The following EFTUD2 variants were observed in gnomAD, a reference collection of about 807,000 sequenced individuals.
EFTUD2 encodes the protein elongation factor Tu GTP binding domain containing 2, also known as 116 kDa U5 small nuclear ribonucleoprotein component.
EFTUD2 carries 9 observed loss-of-function variants against 114.3 expected under a neutral mutation model. The observed-to-expected ratio is 0.08, with a 90% CI of 0.05 to 0.14. The LOEUF (loss-of-function observed/expected upper bound fraction) is 0.14, where lower values mean the gene tolerates loss of function less well. Among genes scored for constraint, EFTUD2 ranks in the 10% least tolerant of loss-of-function variants. The pLI is 1.00. For missense variants in EFTUD2, 765 were observed against 1,241.2 expected (o/e 0.62, Z 5.76); for synonymous variants, 449 against 462.3 (o/e 0.97, Z 0.37).
intron 2 of EFTUD2, among the ~76,000 whole-genome samples, chr17:44,893,767 T>TGGG (rs775875878): frequency 4.1e-4 from 35 of 85,466 alleles, no homozygotes; most frequent in African/African-American, 1.6e-3. Context: ...TAAAAAAAGG[T>TGGG]GGGGGGGGGG....
chr17:44,871,729 A>G (rs1326073428), intron 11 of EFTUD2, among the ~76,000 whole-genome samples: 1 of 152,208 alleles, frequency 6.6e-6, no homozygotes, highest in East Asian at 1.9e-4. Flanking sequence ...ACTGGCAAGA[A>G]TAGAAACGCT....
At chr17:44,853,449 C>G in intron 24 of EFTUD2, 59 bp from the exon 25 acceptor site, 1 of 1,611,680 alleles carries the variant, frequency 6.2e-7, no homozygotes, top group Non-Finnish European at 8.5e-7. Flanking sequence ...GCCTATAGTC[C>G]CACTTGCTCC....
intron 23 of EFTUD2, chr17:44,853,930 C>T: frequency 7.3e-7 from 1 of 1,361,760 alleles, no homozygotes; most frequent in Non-Finnish European, 9.5e-7. Flanking sequence ...AGAATAAATT[C>T]CAGAATTGTA....
At chr17:44,864,298 C>T (rs2050707109) in intron 14 of EFTUD2, among the ~76,000 whole-genome samples, 1 of 152,160 alleles carries the variant, frequency 6.6e-6, no homozygotes, top group Admixed American at 6.6e-5. Flanking sequence ...GATGGGCAGA[C>T]CAAAATAAGC....
chr17:44,877,827 C>T (rs1567746825), intron 9 of EFTUD2, among the ~76,000 whole-genome samples: 1 of 148,064 alleles, frequency 6.8e-6, no homozygotes, highest in African/African-American at 2.5e-5. Context: ...ACAACAACAA[C>T]AACAACAACA....
At position 44,899,420 on chromosome 17, in the gene EFTUD2, C is replaced by CG. The variant is rs2051471788; in HGVS notation, c.-57_-56insC. The CG allele has an allele frequency of 6.6e-6, 1 of 152,450 alleles. No individual in the cohort carries two copies. The highest frequency in any genetic ancestry group is 1.5e-5 in the Non-Finnish European group (1 of 68,236). The allele number at this position is 152,450 out of a possible 1,614,324, so 9.4% of individuals were successfully genotyped here. A position where few individuals can be genotyped will look rare whatever the true frequency, so the allele number is the denominator to read the frequency against. Reference sequence around the variant, plus strand: ...CAGGCCGCTGCCGGAGATCGTGCTTCCGCCCCACGCCGAGGAAACGCCTGC... The same window carrying CG: ...CAGGCCGCTGCCGGAGATCGTGCTTCGCGCCCCACGCCGAGGAAACGCCTGC... On this transcript the variant is annotated 5_prime_UTR_variant, in exon 1 of 28. Coordinates refer to ENST00000426333, the MANE Select transcript of EFTUD2 (RefSeq NM_004247.4).
chr17:44,897,952 G>A (rs2051423303), intron 1 of EFTUD2, among the ~76,000 whole-genome samples: 1 of 152,146 alleles, frequency 6.6e-6, no homozygotes, highest in African/African-American at 2.4e-5. Context: ...AGTAGGAACT[G>A]GATAAATGTT....
chr17:44,865,129 C>A, intron 13 of EFTUD2, 64 bp from the exon 14 acceptor site: 5 of 1,585,324 alleles, frequency 3.2e-6, no homozygotes, highest in Non-Finnish European at 4.3e-6. Flanking sequence ...TAGAGGGAGA[C>A]AAGGGAAGTC....
chr17:44,889,037 G>A (rs2051228586), intron 2 of EFTUD2, among the ~76,000 whole-genome samples: 1 of 152,190 alleles, frequency 6.6e-6, no homozygotes, highest in Non-Finnish European at 1.5e-5. Flanking sequence ...TGGAGGTCAG[G>A]GAGATAATGA....
intron 2 of EFTUD2, among the ~76,000 whole-genome samples, chr17:44,888,124 G>A (rs552145433): frequency 6.6e-6 from 1 of 152,352 alleles, no homozygotes; most frequent in East Asian, 1.9e-4. Context: ...AAGGCCCAGA[G>A]CCAAGAGCAT....
intron 13 of EFTUD2, 47 bp downstream of exon 13, chr17:44,867,760 C>G (rs950148322): frequency 1.4e-6 from 2 of 1,442,804 alleles, no homozygotes; most frequent in African/African-American, 2.9e-5. Context: ...CTCTTCCACA[C>G]TGTGCTTATA....
intron 3 of EFTUD2, among the ~76,000 whole-genome samples, chr17:44,885,626 G>C (rs2051156659): frequency 6.6e-6 from 1 of 152,098 alleles, no homozygotes; most frequent in East Asian, 1.9e-4. Flanking sequence ...ATCTTTCCTT[G>C]CATTTATAAG....
chr17:44,876,269 G>A (rs1229139738), intron 9 of EFTUD2, among the ~76,000 whole-genome samples, 169 bp from the exon 10 acceptor site: 2 of 152,162 alleles, frequency 1.3e-5, no homozygotes, highest in African/African-American at 4.8e-5. Context: ...GATAGACACA[G>A]GAACTTTAAG....
rs772722479 is a variant in EFTUD2, at chr17:44,883,043, T to C, written c.492+50A>G. ...GAAGGAAGGAGGAGAGAGACATCTC[T>C]ATCTGTTCTGAATGGTTCATCCTAA... is the stretch of plus-strand genomic sequence containing the variant. On this transcript the variant is annotated intron_variant, in intron 6 of 27. Transcript: ENST00000426333. 3.2e-6 allele frequency: 5 copies of C among 1,579,518 alleles called. No homozygotes were observed. In the Admixed American group the frequency reaches 6.7e-5, roughly 21 times the overall value.
intron 14 of EFTUD2, chr17:44,864,163 C>T: frequency 5.6e-6 from 1 of 179,482 alleles, no homozygotes; most frequent in Non-Finnish European, 1.2e-5. Context: ...AGAAACACTG[C>T]ATGCATCTCT....
At chr17:44,858,273 T>C (rs1220844710) in intron 19 of EFTUD2, among the ~76,000 whole-genome samples, 1 of 152,136 alleles carries the variant, frequency 6.6e-6, no homozygotes, top group Non-Finnish European at 1.5e-5. Flanking sequence ...TCTTGCTCTG[T>C]CACCCATGCT....
At chr17:44,862,537 G>T (rs1440220842) in intron 16 of EFTUD2, among the ~76,000 whole-genome samples, 176 bp downstream of exon 16, 1 of 152,234 alleles carries the variant, frequency 6.6e-6, no homozygotes, top group Non-Finnish European at 1.5e-5. Flanking sequence ...TTTGGCCCCA[G>T]CAAACCTGGG....
Position 44,860,475 on chromosome 17 carries a change from A to G in EFTUD2, c.1676T>C (p.Ile559Thr), listed in dbSNP as rs770305366. 3.7e-6 allele frequency: 6 copies of G among 1,614,058 alleles called. No individual in the cohort carries two copies. Among genetic ancestry groups the G allele is most frequent in the Non-Finnish European group, 5.1e-6 (6 of 1,179,986 alleles). The change falls in exon 17 of 28, where the codon ATT (isoleucine) becomes ACT (threonine). Residue 559 changes from isoleucine (I) to threonine (T), a missense_variant. Ile to Thr is a moderately conservative substitution (Grantham distance 89). Coordinates refer to ENST00000426333, the MANE Select transcript of EFTUD2 (RefSeq NM_004247.4). ...TTCGGTTATGGTTGCTGTCTTCACA[A>G]TTGGTTGATCAACACCTTCAATCAG... ...WVLIEGVDQP[I>T]VKTATITEPR... is the part of the protein sequence containing the mutation.
At chr17:44,890,176 GTATTTT>G (rs1430009370) in intron 2 of EFTUD2, among the ~76,000 whole-genome samples, 1 of 82,350 alleles carries the variant, frequency 1.2e-5, no homozygotes, top group Non-Finnish European at 2.8e-5. Context: ...GCTAATTTTT[GTATTTT>G]TGTATTTTTG....
Sources: allele counts gnomAD v4.1 joint callset (sites outside exome capture counted in the v4.1 genomes callset), GRCh38; gene constraint gnomAD v4.1.1; transcripts MANE v1.5; gene names NCBI Gene and HGNC (gene_info 2026-07-23, HGNC 2026-07-21).